Variants in FARP2 observed in about 807,000 individuals in gnomAD.
FARP2 encodes the protein FERM, ARH/RhoGEF and pleckstrin domain protein 2.
Under a neutral mutation model 130.5 loss-of-function variants are expected in FARP2, and 111 were observed. That is an observed-to-expected ratio of 0.85 (90% CI 0.73 to 1.00). The LOEUF (loss-of-function observed/expected upper bound fraction) is 1.00. Ranked by LOEUF, FARP2 falls within the 50% of genes least tolerant of loss-of-function variation. FARP2 has a pLI of 0.00. For missense variants in FARP2, 1,385 were observed against 1,346.3 expected, an observed-to-expected ratio of 1.03 and a Z score of -0.45; for synonymous variants, 504 against 516.9, an observed-to-expected ratio of 0.98 and a Z score of 0.34.
chr2:241,376,721 A>C (rs1398038863), intron 2 of FARP2, among the ~76,000 whole-genome samples: 1 of 152,166 alleles, frequency 6.6e-6, no homozygotes, highest in Non-Finnish European at 1.5e-5. Context: ...CAAGAGACAG[A>C]CTGTGGTCAG....
intron 1 of FARP2, among the ~76,000 whole-genome samples, chr2:241,371,793 G>A (rs1272773757): frequency 6.6e-6 from 1 of 151,934 alleles, no homozygotes; most frequent in African/African-American, 2.4e-5. Context: ...TTTAAAAATT[G>A]ATTTTTAAAC....
At chr2:241,365,450 T>TGG (rs1328500658) in intron 1 of FARP2, among the ~76,000 whole-genome samples, 1 of 152,268 alleles carries the variant, frequency 6.6e-6, no homozygotes, top group Non-Finnish European at 1.5e-5. Flanking sequence ...TAATATCATC[T>TGG]GATGCTTAGT....
At chr2:241,491,317 C>A in intron 23 of FARP2, 138 bp downstream of exon 23, 2 of 857,494 alleles carry the variant, frequency 2.3e-6, no homozygotes, top group East Asian at 2.4e-5. Flanking sequence ...CCAGGCTACG[C>A]CTCATGCCTG....
chr2:241,394,606 G>A (rs1030385455), intron 2 of FARP2, among the ~76,000 whole-genome samples: 6 of 151,998 alleles, frequency 3.9e-5, no homozygotes, highest in African/African-American at 1.5e-4. Context: ...TGTCCAGGTC[G>A]TAAGGCATCT....
chr2:241,438,330 G>A (rs2063295611), intron 12 of FARP2, among the ~76,000 whole-genome samples: 1 of 152,084 alleles, frequency 6.6e-6, no homozygotes, highest in Non-Finnish European at 1.5e-5. Context: ...TAAGGCTGGA[G>A]GATTGCTTGA....
intron 14 of FARP2, among the ~76,000 whole-genome samples, chr2:241,461,882 A>G (rs1363921556): frequency 6.6e-6 from 1 of 152,170 alleles, no homozygotes; most frequent in East Asian, 1.9e-4. Context: ...CAGGGACAGG[A>G]CCCAGTGCCT....
chr2:241,447,389 T>A (rs1461476687), intron 13 of FARP2, among the ~76,000 whole-genome samples: 1 of 152,140 alleles, frequency 6.6e-6, no homozygotes, highest in Non-Finnish European at 1.5e-5. Context: ...TTGCTTCTTC[T>A]TGGTCTTAGC....
At position 241,382,288 on chromosome 2, in the gene FARP2, A is replaced by ATC. The variant is rs142703078; in HGVS notation, c.183+9000_183+9001dup. ...TCTATTTTCAGTTTCTCTGTACAAA[A>ATC]TCTATTTTTTTTTTTTTTTTTTTTG... On this transcript the variant is annotated intron_variant, in intron 2 of 26. Coordinates refer to ENST00000264042, the MANE Select transcript of FARP2 (RefSeq NM_014808.4). Among the ~76,000 whole-genome samples the ATC allele has an allele frequency of 0.022, 3,022 of 135,122 alleles. 197 individuals carry two copies. The East Asian group carries it at 0.26, about 12-fold the overall frequency. The allele number at this position is 135,122 out of a possible 152,430, so 88.6% of individuals were successfully genotyped here. A position where few individuals can be genotyped will look rare whatever the true frequency, so the allele number is the denominator to read the frequency against.
At chr2:241,442,749 A>G (rs1222597905) in intron 13 of FARP2, 1 of 321,316 alleles carries the variant, frequency 3.1e-6, no homozygotes, top group African/African-American at 2.2e-5. Context: ...CTTAGACCTG[A>G]GTACTCCAGC....
intron 8 of FARP2, among the ~76,000 whole-genome samples, chr2:241,428,625 AT>A (rs755725047): frequency 0.018 from 2,564 of 146,104 alleles, 37 homozygotes; most frequent in African/African-American, 0.045. Context: ...CTAACTCAGG[AT>A]TTTTTTTTTT....
chr2:241,363,603 C>T (rs1334802359), intron 1 of FARP2, among the ~76,000 whole-genome samples: 5 of 152,262 alleles, frequency 3.3e-5, no homozygotes, highest in South Asian at 2.1e-4. Context: ...TTGCCAAAGA[C>T]GGAACTCGGC....
At chr2:241,402,878 ATATTTTTT>A (rs1559735190) in intron 2 of FARP2, among the ~76,000 whole-genome samples, 3 of 8,456 alleles carry the variant, frequency 3.5e-4, no homozygotes, top group East Asian at 3.3e-3. Flanking sequence ...ATATATATAT[ATATTTTTT>A]TTTTTTTTTT....
intron 9 of FARP2, among the ~76,000 whole-genome samples, chr2:241,432,876 G>A (rs572204384): frequency 2.0e-5 from 3 of 152,334 alleles, no homozygotes; most frequent in Non-Finnish European, 2.9e-5. Flanking sequence ...ACACATTTTG[G>A]GTTATGGGAG....
At chr2:241,365,174 G>A (rs1374207524) in intron 1 of FARP2, among the ~76,000 whole-genome samples, 1 of 152,112 alleles carries the variant, frequency 6.6e-6, no homozygotes, top group Non-Finnish European at 1.5e-5. Flanking sequence ...GTTTTGACTT[G>A]TGGAAAATTC....
intron 8 of FARP2, among the ~76,000 whole-genome samples, chr2:241,422,280 A>AAAAAAAAAAAAAAAAAAC (rs2062829807): frequency 7.2e-6 from 1 of 138,348 alleles, no homozygotes. Context: ...AAAAAAAAAA[A>AAAAAAAAAAAAAAAAAAC]TTAACCACGC....
At chr2:241,430,296 T>C (rs1055168021) in intron 8 of FARP2, among the ~76,000 whole-genome samples, 5 of 152,222 alleles carry the variant, frequency 3.3e-5, no homozygotes, top group Admixed American at 3.3e-4. Flanking sequence ...GTTTTGTACT[T>C]TGCCTGCTTC....
intron 13 of FARP2, among the ~76,000 whole-genome samples, chr2:241,452,169 C>A (rs1215516997): frequency 6.6e-6 from 1 of 152,184 alleles, no homozygotes; most frequent in Admixed American, 6.5e-5. Flanking sequence ...AATTGCAGAG[C>A]CTAAAAGGCA....
chr2:241,430,099 A>G (rs2063054172), intron 8 of FARP2, among the ~76,000 whole-genome samples: 3 of 152,154 alleles, frequency 2.0e-5, no homozygotes. Flanking sequence ...AGTTTATGTC[A>G]CTGTGGATTC....
intron 4 of FARP2, among the ~76,000 whole-genome samples, chr2:241,406,026 G>A (rs576963405): frequency 2.6e-5 from 4 of 151,766 alleles, no homozygotes; most frequent in Admixed American, 6.6e-5. Context: ...ACTGGGGGCC[G>A]GGCACGGTGG....
Sources: allele counts gnomAD v4.1 joint callset (sites outside exome capture counted in the v4.1 genomes callset), GRCh38; gene constraint gnomAD v4.1.1; transcripts MANE v1.5; gene names NCBI Gene and HGNC (gene_info 2026-07-23, HGNC 2026-07-21).